AFF2: variants seen among roughly 807,000 people sequenced by gnomAD.
AFF2 encodes ALF transcription elongation factor 2.
Under a neutral mutation model 76.9 loss-of-function variants are expected in AFF2, and 14 were observed. That is an observed-to-expected ratio of 0.18 (90% CI 0.12 to 0.28). AFF2 has a LOEUF of 0.28. Among genes scored for constraint, AFF2 ranks in the 10% least tolerant of loss-of-function variants. The pLI, the probability that AFF2 is intolerant of heterozygous loss-of-function variation, is 1.00. For missense variants in AFF2, 868 were observed against 1,001.1 expected, an observed-to-expected ratio of 0.87 and a Z score of 1.79; for synonymous variants, 398 against 366.7, an observed-to-expected ratio of 1.09 and a Z score of -0.98.
At chrX:148,882,986 G>C (rs1194953705) in intron 7 of AFF2, among the ~76,000 whole-genome samples, 1 of 111,687 alleles carries the variant, frequency 9.0e-6, no homozygotes, top group Non-Finnish European at 1.9e-5. Flanking sequence ...GTTGCATGGT[G>C]GGGATGTGGG....
chrX:148,762,934 T>C lies in AFF2; in HGVS notation c.1042-46942T>C, dbSNP rs1450846375. ...ACAGAACAGGATTGAACATGTAAAA[T>C]ATAAAAATGCATGTGGCACGAGGTC... is the stretch of plus-strand genomic sequence containing the variant. On this transcript the variant is annotated intron_variant, in intron 3 of 20. Coordinates refer to ENST00000370460, the MANE Select transcript of AFF2 (RefSeq NM_002025.4). 3.6e-5 allele frequency among the ~76,000 whole-genome samples: 4 copies of C among 112,274 alleles called. No individual in the cohort carries two copies. In the East Asian group the frequency reaches 1.1e-3, roughly 31 times the overall value.
chrX:148,704,216 C>CTATATATATATGTGTGTATATATATATT lies in AFF2; in HGVS notation c.1041+41514_1041+41541dup, dbSNP rs1557262115. 1.3e-3 allele frequency among the ~76,000 whole-genome samples: 26 copies of CTATATATATATGTGTGTATATATATATT among 19,428 alleles called. 7 individuals carry two copies. The highest frequency in any genetic ancestry group is 2.0e-3 in the Non-Finnish European group (18 of 9,054). 16.9% of individuals were successfully genotyped at this position (19,428 alleles called of 115,157 possible). ...GGTGAAATAGGAAGTATTGGAAATC[C>CTATATATATATGTGTGTATATATATATT]TATATATATATGTGTGTATATATAT... On this transcript the variant is annotated intron_variant, in intron 3 of 20. Coordinates refer to ENST00000370460, the MANE Select transcript of AFF2 (RefSeq NM_002025.4).
chrX:148,943,638 G>A (rs1045574839), intron 9 of AFF2, among the ~76,000 whole-genome samples: 1 of 111,959 alleles, frequency 8.9e-6, no homozygotes, highest in Admixed American at 9.4e-5. Context: ...GCACTTAAAA[G>A]TATTCTGATC....
intron 13 of AFF2, among the ~76,000 whole-genome samples, chrX:148,965,444 G>A (rs1557288537): frequency 1.3e-4 from 15 of 111,812 alleles, no homozygotes; most frequent in Non-Finnish European, 2.6e-4. Flanking sequence ...AAGCAGAGCA[G>A]CTCAGATGGA....
At chrX:148,565,778 A>G (rs1557241553) in intron 1 of AFF2, among the ~76,000 whole-genome samples, 1 of 111,094 alleles carries the variant, frequency 9.0e-6, no homozygotes, top group African/African-American at 3.3e-5. Context: ...TTGTCTAGCC[A>G]GTTAACGTGT....
chrX:148,986,789 C>T (rs961864969), intron 19 of AFF2, among the ~76,000 whole-genome samples: 4 of 113,051 alleles, frequency 3.5e-5, no homozygotes, highest in Admixed American at 9.3e-5. Context: ...ATAGCCGTTC[C>T]AGCAGCAGGT....
rs190443408 is a variant in AFF2 at position 148,648,088 on chromosome X, T to C, written c.48-3911T>C. 8.0e-5 allele frequency among the ~76,000 whole-genome samples: 9 copies of C among 112,228 alleles called. No homozygotes were observed. In the East Asian group the frequency reaches 2.5e-3, roughly 32 times the overall value. ...GAGAAGGCTAGGAGAAGATACTACA[T>C]GTACTTGAAGATGGAAGAAACAGAT... is the stretch of plus-strand genomic sequence containing the variant. On this transcript the variant is annotated intron_variant, in intron 1 of 20. Coordinates refer to ENST00000370460, the MANE Select transcript of AFF2 (RefSeq NM_002025.4).
intron 3 of AFF2, among the ~76,000 whole-genome samples, chrX:148,784,185 A>G (rs1204259146): frequency 1.8e-5 from 2 of 112,095 alleles, no homozygotes; most frequent in Non-Finnish European, 3.8e-5. Flanking sequence ...TGTGCCAGCC[A>G]TTGCTGTCAA....
chrX:148,736,753 A>C (rs1313686331), intron 3 of AFF2, among the ~76,000 whole-genome samples: 1 of 112,139 alleles, frequency 8.9e-6, no homozygotes, highest in Non-Finnish European at 1.9e-5. Flanking sequence ...TTCAGGTCTT[A>C]GATTTAAGTT....
chrX:148,966,647 T>C (rs1557288717), intron 13 of AFF2, 143 bp from the exon 14 acceptor site: 1 of 1,086,139 alleles, frequency 9.2e-7, no homozygotes, highest in Admixed American at 3.1e-5. Context: ...GTCACCTATT[T>C]ATCCTCAAGC....
rs1005475352 is a variant in AFF2, at chrX:148,917,711, G to A, written c.1397+13453G>A. Among the ~76,000 whole-genome samples, 3 of 112,342 alleles carry A rather than the reference G, an allele frequency of 2.7e-5. No homozygotes were observed. The East Asian group carries it at 8.4e-4, about 31-fold the overall frequency. ...TAAGCAAGGCTTGACTCACTGTCAC[G>A]GACGTTTCTAGCCACAAGGTCTAGG... On this transcript the variant is annotated intron_variant, in intron 9 of 20. Coordinates refer to ENST00000370460, the MANE Select transcript of AFF2 (RefSeq NM_002025.4).
intron 3 of AFF2, among the ~76,000 whole-genome samples, chrX:148,792,483 T>C (rs2069910695): frequency 8.9e-6 from 1 of 112,857 alleles, no homozygotes; most frequent in Non-Finnish European, 1.9e-5. Flanking sequence ...ATAACCATTC[T>C]TATGACTGTT....
chrX:148,919,254 A>G (rs1858303056), intron 9 of AFF2, among the ~76,000 whole-genome samples: 2 of 111,472 alleles, frequency 1.8e-5, no homozygotes, highest in South Asian at 7.6e-4. Context: ...GCAATCAAAA[A>G]GCAACCCTGT....
chrX:148,717,280 C>G (rs1216651083), intron 3 of AFF2, among the ~76,000 whole-genome samples: 1 of 111,930 alleles, frequency 8.9e-6, no homozygotes, highest in Non-Finnish European at 1.9e-5. Context: ...TGAACCATAA[C>G]AACATTAGGC....
At chrX:148,521,833 C>A (rs782531674) in intron 1 of AFF2, among the ~76,000 whole-genome samples, 1 of 111,903 alleles carries the variant, frequency 8.9e-6, no homozygotes, top group Admixed American at 9.5e-5. Context: ...ATCTGAGACT[C>A]TCTTGCACTG....
chrX:148,890,695 A>T (rs1215682795), intron 8 of AFF2, among the ~76,000 whole-genome samples: 5 of 111,882 alleles, frequency 4.5e-5, no homozygotes, highest in African/African-American at 1.6e-4. Context: ...TTTTCTTCCA[A>T]GGATTGGCGT....
intron 4 of AFF2, among the ~76,000 whole-genome samples, chrX:148,819,963 C>G (rs1418755339): frequency 2.7e-5 from 3 of 111,277 alleles, no homozygotes; most frequent in Non-Finnish European, 5.7e-5. Context: ...TCTTGACTCT[C>G]CAGTCTCTTC....
intron 7 of AFF2, among the ~76,000 whole-genome samples, chrX:148,850,638 T>C (rs1229327899): frequency 6.2e-5 from 7 of 112,551 alleles, no homozygotes; most frequent in Non-Finnish European, 1.3e-4. Context: ...TTTTCAGTTA[T>C]TACATTGTAA....
rs1161297624 is a variant in AFF2 at position 148,777,429 on chromosome X, C to G, written c.1042-32447C>G. Among the ~76,000 whole-genome samples, 5 of 111,740 alleles carry G rather than the reference C, an allele frequency of 4.5e-5. No individual in the cohort carries two copies. The Admixed American group carries it at 4.7e-4, about 11-fold the overall frequency. On this transcript the variant is annotated intron_variant, in intron 3 of 20. Transcript: ENST00000370460. ...TAGCTTGATGGGAATAGCATTGAAT[C>G]TATAAATTACTTTGGGCAGTATGGC...
Sources: gnomAD v4.1 joint callset for allele counts (sites outside exome capture counted in the v4.1 genomes callset) on GRCh38, gnomAD v4.1.1 for gene constraint, MANE v1.5 for transcripts, NCBI Gene and HGNC (gene_info 2026-07-23, HGNC 2026-07-21) for gene names.